ZNF280D: variants seen among roughly 807,000 people sequenced by gnomAD.
ZNF280D encodes the protein zinc finger protein 280D.
Under a neutral mutation model 94.7 loss-of-function variants are expected in ZNF280D, and 39 were observed. The ratio of observed to expected loss-of-function variants is 0.41; its 90% CI spans 0.32 to 0.54. ZNF280D has a LOEUF of 0.54. Ranked by LOEUF, ZNF280D falls within the 20% of genes least tolerant of loss-of-function variation. The pLI is 0.22. For missense variants in ZNF280D, 1,090 were observed against 1,149.3 expected (o/e 0.95, Z 0.75); for synonymous variants, 398 against 377.6 (o/e 1.05, Z -0.63).
intron 19 of ZNF280D, among the ~76,000 whole-genome samples, chr15:56,646,161 T>C (rs2140593418): frequency 6.6e-6 from 1 of 152,310 alleles, no homozygotes; most frequent in South Asian, 2.1e-4. Flanking sequence ...TGGTGCCACA[T>C]GCCTGTAATC....
chr15:56,633,494 CTT>C (rs546520931), intron 21 of ZNF280D, among the ~76,000 whole-genome samples: 2 of 146,278 alleles, frequency 1.4e-5, no homozygotes. Context: ...ATCTTTTTAT[CTT>C]TTTTTTTTTG....
At chr15:56,668,173 T>C (rs1260693039) in intron 14 of ZNF280D, 1 of 454,864 alleles carries the variant, frequency 2.2e-6, no homozygotes, top group South Asian at 1.6e-5. Context: ...ATAAATGTTT[T>C]GGGGATTATT....
chr15:56,725,566 A>G (rs1451669575), intron 1 of ZNF280D, among the ~76,000 whole-genome samples: 1 of 152,024 alleles, frequency 6.6e-6, no homozygotes, highest in African/African-American at 2.4e-5. Context: ...GTTGCACTAC[A>G]CTCTTCTGTT....
chr15:56,669,905 A>ATATATATATTACATATATATAT (rs2054624014), intron 13 of ZNF280D, among the ~76,000 whole-genome samples: 1 of 6,248 alleles, frequency 1.6e-4, no homozygotes, highest in Non-Finnish European at 3.1e-4. Context: ...TATATATAAT[A>ATATATATATTACATATATATAT]TATATATATT....
chr15:56,659,531 G>T (rs545863021), intron 16 of ZNF280D, among the ~76,000 whole-genome samples: 10 of 151,938 alleles, frequency 6.6e-5, no homozygotes, highest in African/African-American at 2.4e-4. Flanking sequence ...TTATCTTACT[G>T]TGTGTAATTT....
At chr15:56,644,693 T>C (rs1227296795) in intron 19 of ZNF280D, among the ~76,000 whole-genome samples, 1 of 152,148 alleles carries the variant, frequency 6.6e-6, no homozygotes. Context: ...AATAAATTAA[T>C]TGTATGCAGC....
chr15:56,659,024 CT>C (rs764745336), intron 16 of ZNF280D, among the ~76,000 whole-genome samples: 2 of 151,668 alleles, frequency 1.3e-5, no homozygotes, highest in African/African-American at 4.8e-5. Context: ...TACTAGTAGA[CT>C]TTTTTTCTTC....
intron 20 of ZNF280D, among the ~76,000 whole-genome samples, chr15:56,639,961 C>T (rs924391921): frequency 6.6e-6 from 1 of 151,572 alleles, no homozygotes; most frequent in Non-Finnish European, 1.5e-5. Context: ...CACTCCCCAG[C>T]GATTTTTTTT....
intron 1 of ZNF280D, chr15:56,732,875 C>T (rs1288600514): frequency 6.6e-6 from 1 of 152,224 alleles, no homozygotes. Flanking sequence ...GGCCCTTCTT[C>T]TGTAGACAAT....
At chr15:56,733,278 G>A (rs2058993807) in intron 1 of ZNF280D, among the ~76,000 whole-genome samples, 180 bp downstream of exon 1, 2 of 152,094 alleles carry the variant, frequency 1.3e-5, no homozygotes, top group South Asian at 2.1e-4. Context: ...GCCGACGCAA[G>A]ATGGCGGTCC....
chr15:56,639,996 C>G (rs915801621), intron 20 of ZNF280D, among the ~76,000 whole-genome samples: 2 of 151,874 alleles, frequency 1.3e-5, no homozygotes, highest in Non-Finnish European at 2.9e-5. Flanking sequence ...ACTGGAAAAA[C>G]TATTTCCAAA....
chr15:56,731,280 A>G (rs2058870672), intron 1 of ZNF280D, among the ~76,000 whole-genome samples: 1 of 152,104 alleles, frequency 6.6e-6, no homozygotes, highest in Non-Finnish European at 1.5e-5. Context: ...AGGCAGGTGG[A>G]TCACTTGAAC....
At chr15:56,721,335 TAA>T (rs1272897201) in intron 1 of ZNF280D, among the ~76,000 whole-genome samples, 1 of 152,154 alleles carries the variant, frequency 6.6e-6, no homozygotes, top group Non-Finnish European at 1.5e-5. Context: ...GGCTTCAACT[TAA>T]AAGTCACCAG....
chr15:56,632,207 TA>T (rs1443156589), intron 21 of ZNF280D, 85 bp from the exon 22 acceptor site: 2 of 1,273,840 alleles, frequency 1.6e-6, no homozygotes, highest in Non-Finnish European at 2.1e-6. Flanking sequence ...TTCTAAAAAA[TA>T]AAAAGTCAAG....
chr15:56,700,836 C>T (rs774577618), intron 6 of ZNF280D, 97 bp downstream of exon 6: 4 of 1,602,292 alleles, frequency 2.5e-6, no homozygotes, highest in Non-Finnish European at 3.4e-6. Context: ...TGGATGACTA[C>T]TTATGACAGT....
chr15:56,728,313 C>T (rs2058727265), intron 1 of ZNF280D, among the ~76,000 whole-genome samples: 1 of 152,214 alleles, frequency 6.6e-6, no homozygotes, highest in Admixed American at 6.5e-5. Flanking sequence ...AGCCACCACA[C>T]CCGGCCTTGA....
At chr15:56,724,651 G>C (rs1437489048) in intron 1 of ZNF280D, among the ~76,000 whole-genome samples, 3 of 152,180 alleles carry the variant, frequency 2.0e-5, no homozygotes, top group Non-Finnish European at 4.4e-5. Context: ...ATCTGTAAAG[G>C]ATGATAACAC....
chr15:56,700,871 GA>G, intron 6 of ZNF280D, 61 bp downstream of exon 6: 1 of 1,612,800 alleles, frequency 6.2e-7, no homozygotes. Context: ...GGGTACTGTT[GA>G]TATTGATAAA....
At chr15:56,653,559 T>C (rs1388548916) in intron 19 of ZNF280D, 7 of 1,513,282 alleles carry the variant, frequency 4.6e-6, no homozygotes, top group African/African-American at 4.2e-5. Context: ...TGTCCAGGTA[T>C]ACCCTGGATA....
Sources: gnomAD v4.1 joint callset for allele counts (sites outside exome capture counted in the v4.1 genomes callset) on GRCh38, gnomAD v4.1.1 for gene constraint, MANE v1.5 for transcripts, NCBI Gene and HGNC (gene_info 2026-07-23, HGNC 2026-07-21) for gene names.